ALOX12: variants seen among roughly 807,000 people sequenced by gnomAD.
ALOX12 encodes arachidonate 12-lipoxygenase, 12S type.
In ALOX12, 62 loss-of-function variants were observed where a neutral mutation model predicts 85.5. That is an observed-to-expected ratio of 0.73 (90% confidence interval 0.59 to 0.90). The LOEUF is 0.90. ALOX12 is among the 40% of genes least tolerant of loss of function. ALOX12 has a pLI of 0.00. For synonymous variants in ALOX12, 299 were observed against 332.7 expected (o/e 0.90, Z 1.10); for missense variants, 751 against 856.5 (o/e 0.88, Z 1.54).
At chr17:7,006,810 C>T (rs1909110227) in intron 11 of ALOX12, among the ~76,000 whole-genome samples, 1 of 152,070 alleles carries the variant, frequency 6.6e-6, no homozygotes, top group Admixed American at 6.5e-5. Context: ...CCTCAGAGAC[C>T]CTGGCCATCA....
At position 7,009,989 on chromosome 17, in the gene ALOX12, T is replaced by C; in HGVS notation, c.1675T>C (p.Cys559Arg). ...GTATGCCTGGGTCCCTAATGCTCCA[T>C]GCACAATGCGGATGCCCCCACCCAC... is the stretch of plus-strand genomic sequence containing the variant. The part of the protein sequence containing the change: ...DWYAWVPNAP[C>R]TMRMPPPTTK... Residue 559 changes from cysteine (C) to arginine (R), a missense_variant, in exon 13 of 14, where the codon TGC becomes CGC. By Grantham distance (180) the Cys-to-Arg change is radical. Transcript: ENST00000251535. 6.2e-7 allele frequency: 1 copy of C among 1,614,144 alleles called. No individual in the cohort carries two copies. Among genetic ancestry groups the C allele is most frequent in the Non-Finnish European group, 8.5e-7 (1 of 1,180,014 alleles).
In ALOX12 at chr17:7,010,222, C is replaced by G. The variant is rs1909318501; in HGVS notation, c.1813-22C>G. On this transcript the variant is annotated intron_variant, in intron 13 of 13. Transcript: ENST00000251535. ...AGGTGCGTTTGTCTTTAGAAACTGACTGATCCTTTGTTCTGTCTCAGGTGC... is the reference window on the plus strand; with the variant it reads ...AGGTGCGTTTGTCTTTAGAAACTGAGTGATCCTTTGTTCTGTCTCAGGTGC... The G allele has an allele frequency of 1.9e-6, 3 of 1,607,474 alleles. No individual in the cohort carries two copies. The South Asian group carries it at 3.3e-5, about 18-fold the overall frequency.
In ALOX12 at chr17:7,010,233, T is replaced by C. The variant is rs375538230; in HGVS notation, c.1813-11T>C. On this transcript the variant is annotated splice_polypyrimidine_tract_variant and intron_variant, in intron 13 of 13. Coordinates refer to ENST00000251535, the MANE Select transcript of ALOX12 (RefSeq NM_000697.3). ...TCTTTAGAAACTGACTGATCCTTTG[T>C]TCTGTCTCAGGTGCCTCTGGGGCAC... 4.3e-6 allele frequency: 7 copies of C among 1,611,538 alleles called. No individual in the cohort carries two copies. The African/African-American group carries it at 9.4e-5, about 22-fold the overall frequency.
Position 7,010,050 on chromosome 17 carries a change from G to T in ALOX12, c.1736G>T (p.Gly579Val), listed in dbSNP as rs142117156. 2.5e-6 allele frequency: 4 copies of T among 1,614,198 alleles called. No individual in the cohort carries two copies. Among genetic ancestry groups the T allele is most frequent in the Non-Finnish European group, 3.4e-6 (4 of 1,180,028 alleles). The change falls in exon 13 of 14, where the codon GGG becomes GTG. Residue 579 changes from glycine to valine, a missense_variant. Gly to Val is a moderately radical substitution (Grantham distance 109). Coordinates refer to ENST00000251535, the MANE Select transcript of ALOX12 (RefSeq NM_000697.3). ...GATGTGACGATGGCCACAGTGATGG[G>T]GTCACTACCTGATGTCCGGCAGGCC... Reference protein sequence around the residue: ...KEDVTMATVMGSLPDVRQACL... With the variant: ...KEDVTMATVMVSLPDVRQACL...
chr17:6,996,150 G>C lies in ALOX12; in HGVS notation c.33G>C (p.Gly11=). MGRYRIRVAT[G]AWLFSGSYNR... ...GCTACCGCATCCGCGTGGCCACCGG[G>C]GCCTGGCTCTTCTCCGGGTCGTACA... is the stretch of plus-strand genomic sequence containing the variant. Residue 11 remains glycine (G), a synonymous_variant, in exon 1 of 14, where the codon GGG becomes GGC. Coordinates refer to ENST00000251535, the MANE Select transcript of ALOX12 (RefSeq NM_000697.3). 1 of 1,253,502 alleles carries C rather than the reference G, an allele frequency of 8.0e-7. No homozygotes were observed. The highest frequency in any genetic ancestry group is 1.0e-6 in the Non-Finnish European group (1 of 992,104). The allele number at this position is 1,253,502 out of a possible 1,614,324, so 77.6% of individuals were successfully genotyped here.
Position 7,005,854 on chromosome 17 carries a change from C to G in ALOX12, c.1249-4C>G. On this transcript the variant is annotated splice_region_variant and splice_polypyrimidine_tract_variant and intron_variant, in intron 9 of 13. Coordinates refer to ENST00000251535, the MANE Select transcript of ALOX12 (RefSeq NM_000697.3). Reference sequence around the variant, plus strand: ...CCTCTAAGACCTGTGATCTCCTGTCCCAGGCAGTGAGCACAGGTGGAGGGG... The same window carrying G: ...CCTCTAAGACCTGTGATCTCCTGTCGCAGGCAGTGAGCACAGGTGGAGGGG... The G allele has an allele frequency of 6.2e-7, 1 of 1,610,950 alleles. No homozygotes were observed. The highest frequency in any genetic ancestry group is 1.1e-5 in the South Asian group (1 of 91,046).
intron 8 of ALOX12, among the ~76,000 whole-genome samples, chr17:7,004,088 A>T (rs142757654): frequency 0.11 from 15,158 of 141,444 alleles, 1,162 homozygotes; most frequent in Admixed American, 0.25. Context: ...TAAAATTAAA[A>T]TTTTAATTTA....
At chr17:7,007,380 T>C (rs1007876635) in intron 11 of ALOX12, among the ~76,000 whole-genome samples, 1 of 152,210 alleles carries the variant, frequency 6.6e-6, no homozygotes, top group Non-Finnish European at 1.5e-5. Flanking sequence ...ACTTCAGATC[T>C]AGGCTGTGAA....
chr17:6,996,092 CCT>C lies in ALOX12; in HGVS notation c.-24_-23del, dbSNP rs1424839386. ...CGGGAATCGCACAGGACCCGGCTCC[CCT>C]CGCCTAAGCTGCTGGGGGGCGCCAT... On this transcript the variant is annotated 5_prime_UTR_variant, in exon 1 of 14. Transcript: ENST00000251535. 8.0e-7 allele frequency: 1 copy of C among 1,244,346 alleles called. No homozygotes were observed. Among genetic ancestry groups the C allele is most frequent in the Non-Finnish European group, 1.0e-6 (1 of 987,960 alleles). The allele number at this position is 1,244,346 out of a possible 1,614,324, so 77.1% of individuals were successfully genotyped here. A position where few individuals can be genotyped will look rare whatever the true frequency, so the allele number is the denominator to read the frequency against.
chr17:7,008,094 C>A (rs571187535), intron 11 of ALOX12, among the ~76,000 whole-genome samples: 1 of 152,186 alleles, frequency 6.6e-6, no homozygotes, highest in Non-Finnish European at 1.5e-5. Context: ...AGGTATCAAA[C>A]CCATTCAGGA....
At chr17:6,997,592 T>C (rs7222042) in intron 2 of ALOX12, among the ~76,000 whole-genome samples, 88,367 of 144,970 alleles carry the variant, frequency 0.61, 27,269 homozygotes, top group Admixed American at 0.66. Context: ...GAGTCTTGCT[T>C]TGTTGCCCAG....
In ALOX12 at chr17:7,007,937, G is replaced by A. The variant is rs1035096284; in HGVS notation, c.1540+1330G>A. Among the ~76,000 whole-genome samples, 4 of 152,258 alleles carry A rather than the reference G, an allele frequency of 2.6e-5. No individual in the cohort carries two copies. In the East Asian group the frequency reaches 5.8e-4, roughly 22 times the overall value. On this transcript the variant is annotated intron_variant, in intron 11 of 13. Coordinates refer to ENST00000251535, the MANE Select transcript of ALOX12 (RefSeq NM_000697.3). ...TAGACTGGGTGGCTTATAAACAACA[G>A]AAATGTATTCCTCACAGTTCTGGAG... is the stretch of plus-strand genomic sequence containing the variant.
In ALOX12 at chr17:7,006,487, T is replaced by G. The variant is rs754631723; in HGVS notation, c.1420T>G (p.Tyr474Asp). ...CAAGTGCCTTTTCCCCCTGGGCAGG[T>G]ATGTGGAGGGGATCGTCCACCTCTT... ...ALRLWEIIAR[Y>D]VEGIVHLFYQ... Residue 474 changes from tyrosine (Y) to aspartate (D), a missense_variant and splice_region_variant, in exon 11 of 14, where the codon TAT (tyrosine) becomes GAT (aspartate). By Grantham distance (160) the Tyr-to-Asp change is radical. Coordinates refer to ENST00000251535, the MANE Select transcript of ALOX12 (RefSeq NM_000697.3). The G allele has an allele frequency of 6.2e-7, 1 of 1,613,086 alleles. No individual in the cohort carries two copies. Among genetic ancestry groups the G allele is most frequent in the Admixed American group, 1.7e-5 (1 of 59,976 alleles).
intron 7 of ALOX12, chr17:7,001,288 G>A: frequency 2.7e-6 from 1 of 367,876 alleles, no homozygotes; most frequent in East Asian, 6.0e-5. Flanking sequence ...GACAAGAACT[G>A]TCAATAATCT....
At chr17:6,999,520 A>T in intron 6 of ALOX12, 54 bp downstream of exon 6, 1 of 1,585,802 alleles carries the variant, frequency 6.3e-7, no homozygotes, top group South Asian at 1.1e-5. Context: ...TGTGGTGAGA[A>T]CGGACAGAGA....
At chr17:6,996,722 G>A (rs1908455886) in intron 1 of ALOX12, 104 bp from the exon 2 acceptor site, 1 of 1,359,872 alleles carries the variant, frequency 7.4e-7, no homozygotes, top group Admixed American at 2.5e-5. Flanking sequence ...TGCTGTCTTT[G>A]GAGGCCCTGA....
intron 8 of ALOX12, 152 bp from the exon 9 acceptor site, chr17:7,005,105 A>G (rs1908969588): frequency 2.8e-6 from 2 of 718,240 alleles, no homozygotes; most frequent in South Asian, 1.7e-5. Context: ...GGGAAGTTGG[A>G]GAGCACAAGA....
intron 6 of ALOX12, chr17:6,999,718 T>G: frequency 4.3e-6 from 2 of 465,768 alleles, no homozygotes; most frequent in Non-Finnish European, 3.9e-6. Context: ...AACAGTGACA[T>G]TGCCTGGCCG....
At chr17:7,008,421 G>A (rs1003765627) in intron 11 of ALOX12, among the ~76,000 whole-genome samples, 15 of 152,128 alleles carry the variant, frequency 9.9e-5, no homozygotes, top group Non-Finnish European at 2.2e-4. Context: ...TTCTCTATGG[G>A]CTTTGATTTT....
Sources: allele counts gnomAD v4.1 joint callset (sites outside exome capture counted in the v4.1 genomes callset), GRCh38; gene constraint gnomAD v4.1.1; transcripts MANE v1.5; gene names NCBI Gene and HGNC (gene_info 2026-07-23, HGNC 2026-07-21).